PSMA1: variants seen among roughly 807,000 people sequenced by gnomAD.
PSMA1 encodes the protein proteasome 20S subunit alpha 1, also known as proteasome subunit alpha type-1.
Under a neutral mutation model 38.4 loss-of-function variants are expected in PSMA1, and 3 were observed. The ratio of observed to expected loss-of-function variants is 0.08; its 90% CI spans 0.04 to 0.20. The LOEUF is 0.20. PSMA1 is among the 10% of genes least tolerant of loss of function. PSMA1 has a pLI of 1.00. For missense variants in PSMA1, 227 were observed against 325.3 expected, an observed-to-expected ratio of 0.70 and a Z score of 2.32; for synonymous variants, 101 against 107.1, an observed-to-expected ratio of 0.94 and a Z score of 0.35.
At chr11:14,643,516 G>C (rs1853249390) in exon 1 of PSMA1, 1 of 152,298 alleles carries the variant, frequency 6.6e-6, no homozygotes, top group Non-Finnish European at 1.5e-5. Flanking sequence ...CCCGTCCGAA[G>C]ATGACCTCGT....
At chr11:14,553,264 A>G (rs1851906338) in intron 2 of PSMA1, among the ~76,000 whole-genome samples, 1 of 152,164 alleles carries the variant, frequency 6.6e-6, no homozygotes, top group Admixed American at 6.5e-5. Flanking sequence ...TTACATAACT[A>G]TAGTACAATA....
At chr11:14,587,314 G>T in intron 2 of PSMA1, among the ~76,000 whole-genome samples, 1 of 152,180 alleles carries the variant, frequency 6.6e-6, no homozygotes, top group East Asian at 1.9e-4. Context: ...GAATCTGGCG[G>T]TGTCCCTCTG....
intron 1 of PSMA1, among the ~76,000 whole-genome samples, chr11:14,624,824 C>G (rs1156230329): frequency 1.3e-5 from 2 of 152,152 alleles, no homozygotes; most frequent in Non-Finnish European, 1.5e-5. Context: ...TACAACGACC[C>G]TGACTTGAAA....
chr11:14,593,659 A>AGAGAGC (rs1336219689), intron 2 of PSMA1, among the ~76,000 whole-genome samples: 1 of 131,652 alleles, frequency 7.6e-6, no homozygotes, highest in Non-Finnish European at 1.6e-5. Flanking sequence ...AGAGAGAGAG[A>AGAGAGC]GAGCGCCAGC....
At chr11:14,589,178 T>A (rs1355278950) in intron 2 of PSMA1, among the ~76,000 whole-genome samples, 3 of 152,198 alleles carry the variant, frequency 2.0e-5, no homozygotes, top group African/African-American at 7.2e-5. Flanking sequence ...CTGTGAGGAA[T>A]CCCTGCATCC....
intron 2 of PSMA1, among the ~76,000 whole-genome samples, chr11:14,590,807 G>A (rs964811188): frequency 1.3e-5 from 2 of 152,212 alleles, no homozygotes; most frequent in African/African-American, 2.4e-5. Context: ...CCGGGACGAG[G>A]CCATACTTCA....
At chr11:14,573,538 A>G (rs551806319) in intron 2 of PSMA1, among the ~76,000 whole-genome samples, 24 of 152,322 alleles carry the variant, frequency 1.6e-4, no homozygotes, top group African/African-American at 5.5e-4. Context: ...TATTTATGAC[A>G]AACCCACAGC....
intron 1 of PSMA1, among the ~76,000 whole-genome samples, chr11:14,636,705 C>T (rs1242721358): frequency 6.6e-6 from 1 of 152,162 alleles, no homozygotes; most frequent in African/African-American, 2.4e-5. Context: ...TCAATTATTC[C>T]TCTAGTACTT....
At chr11:14,524,710 C>G (rs111408591), upstream of PSMA1, among the ~76,000 whole-genome samples, 2 of 152,164 alleles carry the variant, frequency 1.3e-5, no homozygotes, top group Non-Finnish European at 2.9e-5. Flanking sequence ...GCCGAAGACC[C>G]GGGTCAGCGG....
chr11:14,643,417 G>C (rs944270470), intron 1 of PSMA1: 1 of 151,716 alleles, frequency 6.6e-6, no homozygotes, highest in Non-Finnish European at 1.5e-5. Context: ...GACCCCAGTA[G>C]TGACCTGTGG....
chr11:14,559,800 T>G (rs1037899605), intron 2 of PSMA1, among the ~76,000 whole-genome samples: 1 of 152,224 alleles, frequency 6.6e-6, no homozygotes, highest in Non-Finnish European at 1.5e-5. Context: ...ATAACTGTTG[T>G]ATCCTGAGTT....
chr11:14,566,277 C>T (rs1361082890), intron 2 of PSMA1, among the ~76,000 whole-genome samples: 1 of 152,156 alleles, frequency 6.6e-6, no homozygotes, highest in East Asian at 1.9e-4. Context: ...ACTTCTTAAG[C>T]TACTGGAGTA....
intron 2 of PSMA1, 93 bp from the exon 3 acceptor site, chr11:14,518,074 T>G: frequency 1.1e-6 from 1 of 896,130 alleles, no homozygotes; most frequent in East Asian, 2.8e-5. Context: ...CACAGTTAAA[T>G]CTCAACTGAT....
chr11:14,538,434 G>A (rs1219865113), intron 2 of PSMA1, among the ~76,000 whole-genome samples: 1 of 152,226 alleles, frequency 6.6e-6, no homozygotes, highest in Non-Finnish European at 1.5e-5. Context: ...CAGATGGCCT[G>A]TCTGTAGCCT....
intron 2 of PSMA1, among the ~76,000 whole-genome samples, chr11:14,540,577 A>C (rs1168016398): frequency 2.0e-5 from 3 of 152,198 alleles, no homozygotes; most frequent in African/African-American, 7.2e-5. Flanking sequence ...GGGTTTTCAC[A>C]CAACAATAAA....
intron 1 of PSMA1, among the ~76,000 whole-genome samples, chr11:14,616,231 G>GTTTTTTTTTTTTTTTTTT (rs34292683): frequency 1.6e-5 from 2 of 126,686 alleles, no homozygotes; most frequent in Non-Finnish European, 1.7e-5. Context: ...GATCCCAACA[G>GTTTTTTTTTTTTTTTTTT]TTTTTTTTTT....
chr11:14,510,192 T>A (rs2134143130), intron 8 of PSMA1, among the ~76,000 whole-genome samples: 1 of 152,276 alleles, frequency 6.6e-6, no homozygotes, highest in South Asian at 2.1e-4. Context: ...TTCCTCTTCC[T>A]CTCGATGATT....
chr11:14,611,725 C>T (rs557624905), intron 1 of PSMA1, among the ~76,000 whole-genome samples: 136 of 152,272 alleles, frequency 8.9e-4, no homozygotes, highest in African/African-American at 3.2e-3. Flanking sequence ...GACACATACT[C>T]CTCACTAGAT....
In PSMA1 at chr11:14,520,309, G is replaced by C; in HGVS notation, c.-10C>G. On this transcript the variant is annotated 5_prime_UTR_variant, in exon 1 of 10. Coordinates refer to ENST00000396394, the MANE Select transcript of PSMA1 (RefSeq NM_002786.4). ...GGATTCAACGTACCATGGTGGCGGC[G>C]CGGGCCTGGTTGCGGCCTCCAGCAA... 1 of 1,614,200 alleles carries C rather than the reference G, an allele frequency of 6.2e-7. No individual in the cohort carries two copies. The highest frequency in any genetic ancestry group is 1.1e-5 in the South Asian group (1 of 91,088).
Sources: allele counts gnomAD v4.1 joint callset (sites outside exome capture counted in the v4.1 genomes callset), GRCh38; gene constraint gnomAD v4.1.1; transcripts MANE v1.5; gene names NCBI Gene and HGNC (gene_info 2026-07-23, HGNC 2026-07-21).